Variants in SLC22A31 observed in about 807,000 individuals in gnomAD.
The protein encoded by SLC22A31 is solute carrier family 22 member 31.
A neutral mutation model predicts 27.4 loss-of-function variants in SLC22A31; 42 were observed. That is an observed-to-expected ratio of 1.53 (90% confidence interval 1.20 to 1.98). The LOEUF (loss-of-function observed/expected upper bound fraction) is 1.98, where lower values mean the gene tolerates loss of function less well. SLC22A31 is among the 30% of genes most tolerant of loss of function. The pLI is 0.00. For synonymous variants in SLC22A31, 290 were observed against 230.8 expected (o/e 1.26, Z -2.33); for missense variants, 593 against 479.9 (o/e 1.24, Z -2.20).
At position 89,199,004 on chromosome 16, in the gene SLC22A31, CA is replaced by C; in HGVS notation, c.452+18del. On this transcript the variant is annotated intron_variant, in intron 4 of 8. Coordinates refer to ENST00000682282, the MANE Select transcript of SLC22A31 (RefSeq NM_001384763.1). ...TCAGCCCCGATGAGGGCTGCTGGCCCAGCTCCCACCACACTTACCCCCAAAA... is the reference window on the plus strand; with the variant it reads ...TCAGCCCCGATGAGGGCTGCTGGCCCGCTCCCACCACACTTACCCCCAAAA... The C allele has an allele frequency of 6.5e-7, 1 of 1,532,604 alleles. No homozygotes were observed. Among genetic ancestry groups the C allele is most frequent in the Non-Finnish European group, 8.7e-7 (1 of 1,144,896 alleles). 94.9% of individuals were successfully genotyped at this position (1,532,604 alleles called of 1,614,324 possible).
chr16:89,198,892 G>T, intron 4 of SLC22A31, 95 bp from the exon 5 acceptor site: 1 of 1,489,282 alleles, frequency 6.7e-7, no homozygotes, highest in Admixed American at 2.1e-5. Flanking sequence ...AGGCTCAGGG[G>T]CAGGACATCA....
Position 89,198,716 on chromosome 16 carries a change from G to A in SLC22A31, c.534C>T (p.Arg178=). 6.5e-7 allele frequency: 1 copy of A among 1,535,752 alleles called. No homozygotes were observed. Residue 178 remains arginine (R), a synonymous_variant, in exon 5 of 9, where the codon CGC becomes CGT. Coordinates refer to ENST00000682282, the MANE Select transcript of SLC22A31 (RefSeq NM_001384763.1). ...QVARARKILW[R]FAEASGVGPG... ...GGCCCACGCCACTGGCTTCTGCAAAGCGCCACAGGATCTTCCTGGCTCGAG... is the reference window on the plus strand; with the variant it reads ...GGCCCACGCCACTGGCTTCTGCAAAACGCCACAGGATCTTCCTGGCTCGAG...
chr16:89,198,946 T>A (rs1916268829), intron 4 of SLC22A31, 77 bp downstream of exon 4: 1 of 1,502,050 alleles, frequency 6.7e-7, no homozygotes, highest in South Asian at 1.2e-5. Context: ...TTACCTGGCA[T>A]GGGATACGTC....
intron 7 of SLC22A31, 139 bp downstream of exon 7, chr16:89,197,983 A>G (rs1916128089): frequency 1.1e-6 from 1 of 924,508 alleles, no homozygotes; most frequent in South Asian, 1.7e-5. Flanking sequence ...TTCCACAAGG[A>G]TCAGAGGAAA....
chr16:89,198,105 C>T lies in SLC22A31; in HGVS notation c.922+17G>A, dbSNP rs901620465. 61 of 1,532,606 alleles carry T rather than the reference C, an allele frequency of 4.0e-5. No individual in the cohort carries two copies. Among genetic ancestry groups the T allele is most frequent in the Non-Finnish European group, 5.0e-5 (57 of 1,146,294 alleles). 94.9% of individuals were successfully genotyped at this position (1,532,606 alleles called of 1,614,324 possible). A position where few individuals can be genotyped will look rare whatever the true frequency, so the allele number is the denominator to read the frequency against. On this transcript the variant is annotated intron_variant, in intron 7 of 8. Transcript: ENST00000682282. ...AACACAATGGCTCCTGTATGGCCTG[C>T]GGGGCCCCAAGCTCACACTGGGCCC... is the stretch of plus-strand genomic sequence containing the variant.
intron 7 of SLC22A31, 119 bp from the exon 8 acceptor site, chr16:89,197,528 T>G: frequency 1.5e-6 from 1 of 676,428 alleles, no homozygotes; most frequent in South Asian, 1.9e-5. Flanking sequence ...AAGCCTCCTT[T>G]TCCAGCCCCC....
rs528010503 is a variant in SLC22A31 at position 89,196,466 on chromosome 16, C to T, written c.1035-161G>A. Reference sequence around the variant, plus strand: ...CCCAGCACCAGGCCCAGGCCGGCCCCTCTGTGGGAGAGAGTGCGTTGGGGG... The same window carrying T: ...CCCAGCACCAGGCCCAGGCCGGCCCTTCTGTGGGAGAGAGTGCGTTGGGGG... On this transcript the variant is annotated intron_variant, in intron 8 of 8. Transcript: ENST00000682282. The T allele has an allele frequency of 6.0e-5, 81 of 1,344,832 alleles. 1 individual carries two copies. The African/African-American group carries it at 1.1e-3, about 18-fold the overall frequency. 83.3% of individuals were successfully genotyped at this position (1,344,832 alleles called of 1,614,324 possible). A position where few individuals can be genotyped will look rare whatever the true frequency, so the allele number is the denominator to read the frequency against.
At position 89,198,313 on chromosome 16, in the gene SLC22A31, G is replaced by C; in HGVS notation, c.731C>G (p.Ala244Gly). 6.5e-7 allele frequency: 1 copy of C among 1,535,924 alleles called. No homozygotes were observed. Among genetic ancestry groups the C allele is most frequent in the Non-Finnish European group, 8.7e-7 (1 of 1,146,892 alleles). ...AGGTGCCAGGCTGCGGCGGAAGCTAGCTCTGATGCCTCCACCAACCAGCCT... is the reference window on the plus strand; with the variant it reads ...AGGTGCCAGGCTGCGGCGGAAGCTACCTCTGATGCCTCCACCAACCAGCCT... ...FSSLVGGGIR[A>G]SFRRSLAPQV... The change falls in exon 7 of 9, where the codon GCT becomes GGT. Residue 244 changes from alanine (A) to glycine (G), a missense_variant. Coordinates refer to ENST00000682282, the MANE Select transcript of SLC22A31 (RefSeq NM_001384763.1).
rs1916053209 is a variant in SLC22A31, at chr16:89,197,378, A to T, written c.954T>A (p.Ser318=). ...YLPGWTVLFL[S]VLGLLASRAV... is the part of the protein sequence containing the mutation. Reference sequence around the variant, plus strand: ...CCCGGGAGGCCAGGAGCCCCAGGACAGAGAGGAACAGCACAGTCCAGCCTG... The same window carrying T: ...CCCGGGAGGCCAGGAGCCCCAGGACTGAGAGGAACAGCACAGTCCAGCCTG... The change falls in exon 8 of 9, where the codon TCT becomes TCA. Residue 318 remains serine (S), a synonymous_variant. Transcript: ENST00000682282. 1.3e-6 allele frequency: 2 copies of T among 1,535,698 alleles called. No individual in the cohort carries two copies. Among genetic ancestry groups the T allele is most frequent in the South Asian group, 2.4e-5 (2 of 84,058 alleles).
intron 8 of SLC22A31, 80 bp from the exon 9 acceptor site, chr16:89,196,385 C>T: frequency 1.1e-6 from 1 of 910,086 alleles, no homozygotes; most frequent in African/African-American, 1.7e-5. Flanking sequence ...AGCCCGGCCC[C>T]CCTGTGGGAC....
chr16:89,198,390 C>G (rs1016589567), intron 6 of SLC22A31, 52 bp downstream of exon 6: 4 of 1,530,848 alleles, frequency 2.6e-6, no homozygotes, highest in Admixed American at 2.0e-5. Context: ...CTCTGGGGAC[C>G]ATATGCCCAC....
chr16:89,198,573 G>T, intron 5 of SLC22A31, 23 bp from the exon 6 acceptor site: 2 of 1,513,254 alleles, frequency 1.3e-6, no homozygotes, highest in Non-Finnish European at 1.8e-6. Context: ...AGATGTGAGG[G>T]GAGGGGGGTG....
chr16:89,198,963 G>C lies in SLC22A31; in HGVS notation c.452+60C>G, dbSNP rs946902208. The C allele has an allele frequency of 3.6e-5, 54 of 1,516,628 alleles. No individual in the cohort carries two copies. The African/African-American group carries it at 4.3e-4, about 12-fold the overall frequency. The allele number at this position is 1,516,628 out of a possible 1,614,324, so 93.9% of individuals were successfully genotyped here. A position where few individuals can be genotyped will look rare whatever the true frequency, so the allele number is the denominator to read the frequency against. On this transcript the variant is annotated intron_variant, in intron 4 of 8. Coordinates refer to ENST00000682282, the MANE Select transcript of SLC22A31 (RefSeq NM_001384763.1). Reference sequence around the variant, plus strand: ...ACCTGGCATGGGATACGTCGGTGCAGAGGGAAGCTACATAGTCAGCCCCGA... The same window carrying C: ...ACCTGGCATGGGATACGTCGGTGCACAGGGAAGCTACATAGTCAGCCCCGA...
At chr16:89,200,409 GTCT>G (rs1916466887) in intron 1 of SLC22A31, 66 bp downstream of exon 1, 1 of 152,784 alleles carries the variant, frequency 6.5e-6, no homozygotes, top group African/African-American at 2.4e-5. Context: ...CGGTTCCTGG[GTCT>G]TCTTGGCAAG....
intron 4 of SLC22A31, 35 bp from the exon 5 acceptor site, chr16:89,198,832 C>T (rs927330282): frequency 6.6e-7 from 1 of 1,515,098 alleles, no homozygotes; most frequent in African/African-American, 1.4e-5. Flanking sequence ...CGGCTCCCTC[C>T]ACCTCCTCCT....
At position 89,196,217 on chromosome 16, in the gene SLC22A31, A is replaced by C; in HGVS notation, c.1123T>G (p.Phe375Val). 1 of 1,534,786 alleles carries C rather than the reference A, an allele frequency of 6.5e-7. No homozygotes were observed. The highest frequency in any genetic ancestry group is 8.7e-7 in the Non-Finnish European group (1 of 1,146,478). Residue 375 changes from phenylalanine (F) to valine (V), a missense_variant, in exon 9 of 9, where the codon TTC becomes GTC. Physicochemically the swap from Phe to Val is conservative, Grantham distance 50. Coordinates refer to ENST00000682282, the MANE Select transcript of SLC22A31 (RefSeq NM_001384763.1). Reference sequence around the variant, plus strand: ...GAGGCGAAGACGACTTGTTGCAGGAAGAAGCCCTGCCGGCCGTGCAGGGTG... The same window carrying C: ...GAGGCGAAGACGACTTGTTGCAGGACGAAGCCCTGCCGGCCGTGCAGGGTG... The part of the protein sequence containing the change: ...LDTLHGRQGF[F>V]LQQVVFASLA...
At chr16:89,198,923 G>A (rs1245489418) in intron 4 of SLC22A31, 100 bp downstream of exon 4, 2 of 1,491,890 alleles carry the variant, frequency 1.3e-6, no homozygotes. Context: ...CTGTGACCCT[G>A]TAACCCATGC....
chr16:89,201,138 G>C (rs1175377381), upstream of SLC22A31: 1 of 377,698 alleles, frequency 2.6e-6, no homozygotes, highest in Non-Finnish European at 4.7e-6. Flanking sequence ...CCCGGAGCAG[G>C]AAGCCCAGGA....
chr16:89,201,544 G>C (rs1037653170), upstream of SLC22A31: 25 of 398,212 alleles, frequency 6.3e-5, no homozygotes, highest in Non-Finnish European at 8.9e-5. Flanking sequence ...GCGGTAAGCA[G>C]CTCCTCGGAG....
Sources: allele counts gnomAD v4.1 joint callset, GRCh38; gene constraint gnomAD v4.1.1; transcripts MANE v1.5; gene names NCBI Gene and HGNC (gene_info 2026-07-23, HGNC 2026-07-21).